Variants in SCFD2 observed in about 807,000 individuals in gnomAD.
The protein encoded by SCFD2 is sec1 family domain-containing protein 2.
In SCFD2, 54 loss-of-function variants were observed where a neutral mutation model predicts 58.9. The observed-to-expected ratio is 0.92, with a 90% CI of 0.74 to 1.15. The LOEUF (loss-of-function observed/expected upper bound fraction) is 1.15, where lower values mean the gene tolerates loss of function less well. Ranked by LOEUF, SCFD2 falls within the 50% of genes most tolerant of loss-of-function variation. The pLI, the probability that SCFD2 is intolerant of heterozygous loss-of-function variation, is 0.00. For missense variants in SCFD2, 805 were observed against 836.6 expected (o/e 0.96, Z 0.47); for synonymous variants, 321 against 335.9 (o/e 0.96, Z 0.49).
chr4:53,088,758 G>T (rs1254356767), intron 5 of SCFD2, among the ~76,000 whole-genome samples: 3 of 152,102 alleles, frequency 2.0e-5, no homozygotes, highest in Admixed American at 2.0e-4. Context: ...ATGCTGGAAT[G>T]AATCAAGATT....
intron 5 of SCFD2, among the ~76,000 whole-genome samples, chr4:53,081,594 T>C (rs1176696765): frequency 1.3e-5 from 2 of 152,222 alleles, no homozygotes; most frequent in East Asian, 1.9e-4. Context: ...GGATAATTAT[T>C]ACATTGCTTT....
chr4:53,082,369 G>A (rs1342232340), intron 5 of SCFD2, among the ~76,000 whole-genome samples: 1 of 152,070 alleles, frequency 6.6e-6, no homozygotes, highest in African/African-American at 2.4e-5. Flanking sequence ...GTCCTTTTTA[G>A]ATGATGATGA....
chr4:53,248,562 G>A (rs202099747), intron 4 of SCFD2, among the ~76,000 whole-genome samples: 11 of 152,200 alleles, frequency 7.2e-5, no homozygotes, highest in African/African-American at 2.4e-4. Flanking sequence ...CTCCCAGCAC[G>A]CAGCTGGAGA....
intron 5 of SCFD2, among the ~76,000 whole-genome samples, chr4:53,130,490 T>A (rs981085758): frequency 6.6e-6 from 1 of 152,184 alleles, no homozygotes; most frequent in Admixed American, 6.5e-5. Flanking sequence ...CTTTGTGGAA[T>A]CACTCCAACT....
chr4:53,081,509 C>T (rs930822272), intron 5 of SCFD2, among the ~76,000 whole-genome samples: 1 of 152,098 alleles, frequency 6.6e-6, no homozygotes, highest in African/African-American at 2.4e-5. Context: ...ATTTGGTTTT[C>T]CATTCCTATG....
At chr4:53,145,675 T>A in intron 4 of SCFD2, 93 bp from the exon 5 acceptor site, 1 of 1,139,114 alleles carries the variant, frequency 8.8e-7, no homozygotes, top group Non-Finnish European at 1.3e-6. Context: ...CAAACAAGTC[T>A]GTATATGATA....
At position 53,313,753 on chromosome 4, in the gene SCFD2, C is replaced by A. The variant is rs149339822; in HGVS notation, c.1018G>T (p.Ala340Ser). The A allele has an allele frequency of 4.2e-5, 67 of 1,613,968 alleles. No homozygotes were observed. The highest frequency in any genetic ancestry group is 5.4e-5 in the Non-Finnish European group (64 of 1,179,902). Residue 340 changes from alanine to serine, a missense_variant, in exon 3 of 9, where the codon GCC becomes TCC. Around this residue, in one of 3 missense-constraint regions of SCFD2, gnomAD observed 633 missense variants for 646.8 expected, o/e 0.98. Transcript: ENST00000401642. ...GCLSQSSDTT[A>S]KALWEALLNT... ...AGTAAAGCTTCCCATAGGGCTTTGG[C>A]TGTGGTGTCACTGCAGGAAAATCAC... is the stretch of plus-strand genomic sequence containing the variant.
chr4:53,301,135 C>T (rs1426873476), intron 3 of SCFD2, among the ~76,000 whole-genome samples: 6 of 151,940 alleles, frequency 3.9e-5, no homozygotes, highest in Non-Finnish European at 8.8e-5. Flanking sequence ...CACAAAAAAC[C>T]CTTCAAAAAA....
chr4:53,053,423 C>G (rs765680987), intron 5 of SCFD2, among the ~76,000 whole-genome samples: 1 of 152,020 alleles, frequency 6.6e-6, no homozygotes, highest in African/African-American at 2.4e-5. Flanking sequence ...TAAGTGATAT[C>G]TTAATGAAAA....
intron 4 of SCFD2, among the ~76,000 whole-genome samples, chr4:53,228,106 A>G (rs1465021325): frequency 6.6e-6 from 1 of 152,164 alleles, no homozygotes; most frequent in African/African-American, 2.4e-5. Flanking sequence ...GATAGTTCCT[A>G]GAACTGTAAG....
At chr4:53,082,019 T>C (rs1410183697) in intron 5 of SCFD2, among the ~76,000 whole-genome samples, 1 of 152,246 alleles carries the variant, frequency 6.6e-6, no homozygotes, top group East Asian at 1.9e-4. Flanking sequence ...ATCCATGTTG[T>C]AGCATGTGTC....
At chr4:53,140,999 T>G (rs1013252908) in intron 5 of SCFD2, among the ~76,000 whole-genome samples, 3 of 152,046 alleles carry the variant, frequency 2.0e-5, no homozygotes, top group Non-Finnish European at 2.9e-5. Flanking sequence ...AGTCCTGAAC[T>G]CCCTAATCCT....
chr4:53,087,815 C>T (rs147049078), intron 5 of SCFD2, among the ~76,000 whole-genome samples: 4 of 152,054 alleles, frequency 2.6e-5, no homozygotes, highest in Non-Finnish European at 2.9e-5. Context: ...CACCCACCAC[C>T]GTGCCCAGCT....
chr4:52,972,879 A>G (rs1026109949), intron 5 of SCFD2, among the ~76,000 whole-genome samples: 1 of 152,232 alleles, frequency 6.6e-6, no homozygotes, highest in Admixed American at 6.5e-5. Flanking sequence ...AAAACTGCTC[A>G]ACTACATGGA....
chr4:53,275,286 T>G (rs1266972547), intron 3 of SCFD2, among the ~76,000 whole-genome samples: 1 of 152,218 alleles, frequency 6.6e-6, no homozygotes, highest in East Asian at 1.9e-4. Flanking sequence ...CATTAATTTT[T>G]TTGAAGAGAT....
chr4:53,352,459 T>C, intron 2 of SCFD2, 139 bp downstream of exon 2: 1 of 578,010 alleles, frequency 1.7e-6, no homozygotes, highest in Non-Finnish European at 2.9e-6. Flanking sequence ...AAAAAATGCT[T>C]TTTGCTAAAT....
chr4:53,191,693 C>T (rs978684504), intron 4 of SCFD2, among the ~76,000 whole-genome samples: 117 of 152,294 alleles, frequency 7.7e-4, no homozygotes, highest in African/African-American at 2.7e-3. Flanking sequence ...GCGTGAGCCA[C>T]CGCGCCTGGC....
intron 2 of SCFD2, among the ~76,000 whole-genome samples, chr4:53,342,598 C>A (rs1170932998): frequency 6.6e-6 from 1 of 152,140 alleles, no homozygotes; most frequent in Non-Finnish European, 1.5e-5. Context: ...CAGCTCTGCA[C>A]CAAGCAGACC....
At chr4:53,345,768 T>TA (rs1380707482) in intron 2 of SCFD2, among the ~76,000 whole-genome samples, 1 of 152,068 alleles carries the variant, frequency 6.6e-6, no homozygotes, top group Non-Finnish European at 1.5e-5. Context: ...TATGCATCCA[T>TA]AAAAAAGGGT....
Sources: allele counts gnomAD v4.1 joint callset (sites outside exome capture counted in the v4.1 genomes callset), GRCh38; gene constraint gnomAD v4.1.1; regional missense constraint gnomAD v4.1.1; transcripts MANE v1.5; gene names NCBI Gene and HGNC (gene_info 2026-07-23, HGNC 2026-07-21).